TMEM87A: variants seen among roughly 807,000 people sequenced by gnomAD.
TMEM87A encodes the protein Golgi-pH regulating cation channel.
Under a neutral mutation model 90.0 loss-of-function variants are expected in TMEM87A, and 50 were observed. The observed-to-expected ratio is 0.56, with a 90% CI of 0.44 to 0.70. The LOEUF is 0.70. Ranked by LOEUF, TMEM87A falls within the 30% of genes least tolerant of loss-of-function variation. TMEM87A has a pLI of 0.00. For missense variants in TMEM87A, 577 were observed against 660.5 expected (o/e 0.87, Z 1.39); for synonymous variants, 226 against 226.7 (o/e 1.00, Z 0.03).
intron 15 of TMEM87A, among the ~76,000 whole-genome samples, chr15:42,222,725 ATTG>A (rs1839516481): frequency 1.3e-5 from 2 of 151,730 alleles, no homozygotes; most frequent in Admixed American, 6.6e-5. Context: ...CGCCTGGCTA[ATTG>A]TTGTTATTTT....
chr15:42,243,728 A>C (rs1369531667), intron 7 of TMEM87A, among the ~76,000 whole-genome samples: 1 of 151,980 alleles, frequency 6.6e-6, no homozygotes, highest in South Asian at 2.1e-4. Context: ...CATGTTGGTC[A>C]GGCTGGTCTT....
At chr15:42,219,734 T>A in intron 16 of TMEM87A, 92 bp from the exon 17 acceptor site, 1 of 858,898 alleles carries the variant, frequency 1.2e-6, no homozygotes. Flanking sequence ...TTTTTTAAAT[T>A]AAAAGCCCCA....
chr15:42,256,353 C>G (rs976445270), intron 6 of TMEM87A, among the ~76,000 whole-genome samples: 3 of 151,750 alleles, frequency 2.0e-5, no homozygotes, highest in Non-Finnish European at 4.4e-5. Flanking sequence ...GTTGACCAGA[C>G]TAGTCTCAAA....
In TMEM87A at chr15:42,232,050, C is replaced by T. The variant is rs2050694627; in HGVS notation, c.1063-790G>A. On this transcript the variant is annotated intron_variant, in intron 11 of 19. Transcript: ENST00000389834. ...TCCACAAAGTGTTTGATTTAAGAGG[C>T]AATTTATTGCAAAACATATTGAGCC... 4 of 283,864 alleles carry T rather than the reference C, an allele frequency of 1.4e-5. No homozygotes were observed. In the South Asian group the frequency reaches 2.6e-4, roughly 19 times the overall value. 17.6% of individuals were successfully genotyped at this position (283,864 alleles called of 1,614,324 possible).
chr15:42,273,327 C>T lies in TMEM87A; in HGVS notation c.72G>A (p.Leu24=), dbSNP rs756203231. 2.5e-6 allele frequency: 4 copies of T among 1,614,162 alleles called. No homozygotes were observed. In the South Asian group the frequency reaches 4.4e-5, roughly 18 times the overall value. Residue 24 remains leucine, a synonymous_variant, in exon 1 of 20, where the codon CTG becomes CTA. Coordinates refer to ENST00000389834, the MANE Select transcript of TMEM87A (RefSeq NM_015497.5). ...LLLLGAHPSP[L]SFFSAGPATV... is the part of the protein sequence containing the mutation. The stretch of plus-strand genomic sequence containing the variant: ...TTGCCGGTCCCGCACTGAAAAACGA[C>T]AGTGGTGACGGGTGAGCTCCCAGAA...
intron 7 of TMEM87A, among the ~76,000 whole-genome samples, chr15:42,243,063 G>A (rs898844313): frequency 1.3e-5 from 2 of 151,964 alleles, no homozygotes; most frequent in African/African-American, 4.8e-5. Context: ...TCAGGAGATC[G>A]AAACCATCCT....
chr15:42,213,264 C>T (rs1261440564), intron 19 of TMEM87A, among the ~76,000 whole-genome samples: 2 of 152,134 alleles, frequency 1.3e-5, no homozygotes, highest in Non-Finnish European at 2.9e-5. Context: ...TGCCTGAGTC[C>T]GAGAGCTAAA....
intron 7 of TMEM87A, among the ~76,000 whole-genome samples, chr15:42,240,044 C>T (rs143242225): frequency 1.3e-4 from 20 of 152,308 alleles, no homozygotes; most frequent in African/African-American, 4.3e-4. Context: ...CCTTCTCTGG[C>T]TGCCCATCTG....
At chr15:42,267,314 G>C (rs2051426028) in intron 3 of TMEM87A, among the ~76,000 whole-genome samples, 1 of 152,156 alleles carries the variant, frequency 6.6e-6, no homozygotes. Context: ...TACAAAAAAA[G>C]TTCATTAATA....
chr15:42,271,410 C>G lies in TMEM87A; in HGVS notation c.205+653G>C, dbSNP rs1339799395. ...CACAGAACAGATTAAAACCACCATG[C>G]AGGGAATCAACCCCAACATAATCAC... On this transcript the variant is annotated intron_variant, in intron 2 of 19. Coordinates refer to ENST00000389834, the MANE Select transcript of TMEM87A (RefSeq NM_015497.5). 2.6e-5 allele frequency: 4 copies of G among 152,318 alleles called. No individual in the cohort carries two copies. In the East Asian group the frequency reaches 7.7e-4, roughly 29 times the overall value. 9.4% of individuals were successfully genotyped at this position (152,318 alleles called of 1,614,324 possible). A position where few individuals can be genotyped will look rare whatever the true frequency, so the allele number is the denominator to read the frequency against.
Position 42,233,306 on chromosome 15 carries a change from C to A in TMEM87A, c.969G>T (p.Lys323Asn), listed in dbSNP as rs779536111. The A allele has an allele frequency of 6.2e-7, 1 of 1,612,818 alleles. No individual in the cohort carries two copies. The highest frequency in any genetic ancestry group is 8.5e-7 in the Non-Finnish European group (1 of 1,179,356). The part of the protein sequence containing the change: ...IIVSLGYGIV[K>N]PRLGVTLHKV... ...TATGAAGAGTGACTCCAAGGCGTGGCCTAAAGAGGAAGCAAGGAGATATTT... is the reference window on the plus strand; with the variant it reads ...TATGAAGAGTGACTCCAAGGCGTGGACTAAAGAGGAAGCAAGGAGATATTT... Residue 323 changes from lysine (K) to asparagine (N), a missense_variant and splice_region_variant, in exon 11 of 20, where the codon AAG becomes AAT. Coordinates refer to ENST00000389834, the MANE Select transcript of TMEM87A (RefSeq NM_015497.5).
chr15:42,211,928 C>T (rs1476630873), intron 19 of TMEM87A, among the ~76,000 whole-genome samples, 179 bp from the exon 20 acceptor site: 1 of 152,144 alleles, frequency 6.6e-6, no homozygotes, highest in Non-Finnish European at 1.5e-5. Context: ...CCAGACCTCA[C>T]CCAAGAACAA....
intron 10 of TMEM87A, 77 bp downstream of exon 10, chr15:42,236,243 A>C: frequency 2.5e-6 from 3 of 1,177,548 alleles, no homozygotes; most frequent in Non-Finnish European, 3.8e-6. Context: ...CAGAACTACT[A>C]CATTGGGAAC....
At position 42,211,579 on chromosome 15, in the gene TMEM87A, C is replaced by T; in HGVS notation, c.*129G>A. ...CTGACACCTCTCGCCAACTCCAATG[C>T]CCAAAGATCAAGGAACAGATCAGGA... On this transcript the variant is annotated 3_prime_UTR_variant, in exon 20 of 20. Transcript: ENST00000389834. The T allele has an allele frequency of 1.1e-6, 1 of 896,912 alleles. No individual in the cohort carries two copies. The highest frequency in any genetic ancestry group is 1.7e-6 in the Non-Finnish European group (1 of 586,744). 55.6% of individuals were successfully genotyped at this position (896,912 alleles called of 1,614,324 possible).
rs755969571 is a variant in TMEM87A, at chr15:42,228,773, C to A, written c.1179G>T (p.Arg393Ser). Residue 393 changes from arginine (R) to serine (S), a missense_variant, in exon 13 of 20, where the codon AGG (arginine) becomes AGT (serine). Arg to Ser is a moderately radical substitution (Grantham distance 110). Transcript: ENST00000389834. ...GATACAAAGAGAGTTTTACAATGTT[C>A]CTCCGAAGTTTTAATAGCTTCATTG... ...TQTMKLLKLRRNIVKLSLYRH... is the reference protein window; with the variant it reads ...TQTMKLLKLRSNIVKLSLYRH... 6.2e-7 allele frequency: 1 copy of A among 1,607,166 alleles called. No individual in the cohort carries two copies. Among genetic ancestry groups the A allele is most frequent in the Non-Finnish European group, 8.5e-7 (1 of 1,178,096 alleles).
At chr15:42,238,744 A>ACT (rs1360494367) in intron 8 of TMEM87A, among the ~76,000 whole-genome samples, 9 of 84,440 alleles carry the variant, frequency 1.1e-4, no homozygotes, top group East Asian at 8.0e-4. Context: ...ACAGAGTGAG[A>ACT]CTCTCTTTTT....
At position 42,231,195 on chromosome 15, in the gene TMEM87A, C is replaced by G. The variant is rs2050680582; in HGVS notation, c.1128G>C (p.Trp376Cys). 1 of 1,603,240 alleles carries G rather than the reference C, an allele frequency of 6.2e-7. No homozygotes were observed. Among genetic ancestry groups the G allele is most frequent in the African/African-American group, 1.3e-5 (1 of 74,192 alleles). The stretch of plus-strand genomic sequence containing the variant: ...AACAAGCCAATGAGAAGGATATCCA[C>G]CAGCACAAGGCAGTGTCTAGGAAAG... ...PLAFLDTALC[W>C]WIFISLTQTM... Residue 376 changes from tryptophan to cysteine, a missense_variant, in exon 12 of 20, where the codon TGG (tryptophan) becomes TGC (cysteine). Transcript: ENST00000389834.
intron 6 of TMEM87A, among the ~76,000 whole-genome samples, chr15:42,254,468 A>C (rs1422552053): frequency 6.6e-6 from 1 of 152,246 alleles, no homozygotes; most frequent in African/African-American, 2.4e-5. Flanking sequence ...ATGTCCTTCA[A>C]TAGATGAATG....
rs2050408103 is a variant in TMEM87A, at chr15:42,217,849, A to T, written c.1596-16T>A. The T allele has an allele frequency of 2.5e-6, 4 of 1,611,402 alleles. No homozygotes were observed. In the East Asian group the frequency reaches 8.9e-5, roughly 36 times the overall value. Reference sequence around the variant, plus strand: ...TGGAAGTGCTCTGCAAAGAGAGAGAAATACTAAATTGAACAATGTAAAATA... The same window carrying T: ...TGGAAGTGCTCTGCAAAGAGAGAGATATACTAAATTGAACAATGTAAAATA... On this transcript the variant is annotated splice_polypyrimidine_tract_variant and intron_variant, in intron 18 of 19. Transcript: ENST00000389834.
Sources: gnomAD v4.1 joint callset for allele counts (sites outside exome capture counted in the v4.1 genomes callset) on GRCh38, gnomAD v4.1.1 for gene constraint, MANE v1.5 for transcripts, NCBI Gene and HGNC (gene_info 2026-07-23, HGNC 2026-07-21) for gene names.